USP5: variants seen among roughly 807,000 people sequenced by gnomAD.
The protein encoded by USP5 is ubiquitin carboxyl-terminal hydrolase 5.
Under a neutral mutation model 102.5 loss-of-function variants are expected in USP5, and 24 were observed. That is an observed-to-expected ratio of 0.23 (90% CI 0.17 to 0.33). The LOEUF (loss-of-function observed/expected upper bound fraction) is 0.33, where lower values mean the gene tolerates loss of function less well. Among genes scored for constraint, USP5 ranks in the 10% least tolerant of loss-of-function variants. The pLI is 1.00. For missense variants in USP5, 753 were observed against 1,122.1 expected (o/e 0.67, Z 4.70); for synonymous variants, 460 against 434.8 (o/e 1.06, Z -0.72).
rs1944255287 is a variant in USP5 at position 6,860,785 on chromosome 12, C to T, written c.1345-168C>T. Among the ~76,000 whole-genome samples the T allele has an allele frequency of 6.6e-6, 1 of 152,146 alleles. No homozygotes were observed. The highest frequency in any genetic ancestry group is 1.5e-5 in the Non-Finnish European group (1 of 68,030). On this transcript the variant is annotated intron_variant, in intron 11 of 19. Transcript: ENST00000229268. This position sits in a 1 kb window ranked among gnomAD's most constrained non-coding sequence, Gnocchi z 5.5. ...ACAGTCCCTCAGTGCAGGGATGGGGCCAGAAATGGGGAGGGGTTGGTGAAT... is the reference window on the plus strand; with the variant it reads ...ACAGTCCCTCAGTGCAGGGATGGGGTCAGAAATGGGGAGGGGTTGGTGAAT...
Position 6,864,290 on chromosome 12 carries a change from G to T in USP5, c.2244+95G>T, listed in dbSNP as rs781944122. On this transcript the variant is annotated intron_variant, in intron 17 of 19. Coordinates refer to ENST00000229268, the MANE Select transcript of USP5 (RefSeq NM_001098536.2). The surrounding 1 kb of genome is among the most constrained non-coding windows in gnomAD (Gnocchi z 4.8). ...TCTTGAGCAAGACCAAAGACAACAG[G>T]TGTGGTCTGGCCGAGGTTGGGCACC... 2.0e-6 allele frequency: 3 copies of T among 1,466,604 alleles called. No individual in the cohort carries two copies. The highest frequency in any genetic ancestry group is 4.7e-5 in the East Asian group (2 of 42,294). 90.8% of individuals were successfully genotyped at this position (1,466,604 alleles called of 1,614,324 possible). A position where few individuals can be genotyped will look rare whatever the true frequency, so the allele number is the denominator to read the frequency against.
rs1591608962 is a variant in USP5 at position 6,861,172 on chromosome 12, C to T, written c.1498+66C>T. The T allele has an allele frequency of 6.3e-7, 1 of 1,593,428 alleles. No individual in the cohort carries two copies. The highest frequency in any genetic ancestry group is 1.3e-5 in the African/African-American group (1 of 74,616). On this transcript the variant is annotated intron_variant, in intron 12 of 19. Transcript: ENST00000229268. The surrounding 1 kb of genome is among the most constrained non-coding windows in gnomAD (Gnocchi z 4.9). The stretch of plus-strand genomic sequence containing the variant: ...CTAAGGTCTAGGAGGAATGCTTGGG[C>T]ACCTCATGGGAGCACAGCCCAGGGA...
In USP5 at chr12:6,856,963, G is replaced by C. The variant is rs1944134274; in HGVS notation, c.769+72G>C. ...ATTTGTTAGTAATTTCGTGTGACAT[G>C]TATAATACATGAATGCATTATCTTG... On this transcript the variant is annotated intron_variant, in intron 6 of 19. Coordinates refer to ENST00000229268, the MANE Select transcript of USP5 (RefSeq NM_001098536.2). This position sits in a 1 kb window ranked among gnomAD's most constrained non-coding sequence, Gnocchi z 5.6. 6.5e-7 allele frequency: 1 copy of C among 1,536,342 alleles called. No homozygotes were observed. Among genetic ancestry groups the C allele is most frequent in the Admixed American group, 2.0e-5 (1 of 51,212 alleles).
rs1944282722 is a variant in USP5 at position 6,861,658 on chromosome 12, C to T, written c.1673+41C>T. The stretch of plus-strand genomic sequence containing the variant: ...GGGGCCTGAGGCTGTGGGTCTATGG[C>T]AGAGCTATCCCAGAGGATACTTCTG... On this transcript the variant is annotated intron_variant, in intron 13 of 19. Transcript: ENST00000229268. The surrounding 1 kb of genome is among the most constrained non-coding windows in gnomAD (Gnocchi z 4.9). 6.8e-7 allele frequency: 1 copy of T among 1,466,732 alleles called. No homozygotes were observed. Among genetic ancestry groups the T allele is most frequent in the East Asian group, 2.4e-5 (1 of 41,664 alleles). 90.9% of individuals were successfully genotyped at this position (1,466,732 alleles called of 1,614,324 possible).
intron 1 of USP5, 26 bp downstream of exon 1, chr12:6,852,316 C>T (rs781985947): frequency 1.9e-6 from 3 of 1,586,604 alleles, no homozygotes; most frequent in Non-Finnish European, 1.7e-6. Flanking sequence ...ACGCCCGCAA[C>T]GAGCACGACT....
chr12:6,858,850 C>A lies in USP5; in HGVS notation c.1058+233C>A. ...CCTGGGCAACATAGCGAGACCCTGTCTTCTCTTAAAAAAAAAAAAGAATAA... is the reference window on the plus strand; with the variant it reads ...CCTGGGCAACATAGCGAGACCCTGTATTCTCTTAAAAAAAAAAAAGAATAA... On this transcript the variant is annotated intron_variant, in intron 8 of 19. Transcript: ENST00000229268. This position sits in a 1 kb window ranked among gnomAD's most constrained non-coding sequence, Gnocchi z 4.2. The A allele has an allele frequency of 2.4e-6, 1 of 408,834 alleles. No homozygotes were observed. Among genetic ancestry groups the A allele is most frequent in the Non-Finnish European group, 4.5e-6 (1 of 224,652 alleles). 25.3% of individuals were successfully genotyped at this position (408,834 alleles called of 1,614,324 possible). A position where few individuals can be genotyped will look rare whatever the true frequency, so the allele number is the denominator to read the frequency against.
Position 6,864,047 on chromosome 12 carries a change from C to G in USP5, c.2099-3C>G, listed in dbSNP as rs1463254970. The G allele has an allele frequency of 6.2e-7, 1 of 1,601,064 alleles. No individual in the cohort carries two copies. The highest frequency in any genetic ancestry group is 8.5e-7 in the Non-Finnish European group (1 of 1,172,026). ...AAACACATCAACCCCTTCACATCCA[C>G]AGATTTTGCAAACCCCCTCATCCTG... On this transcript the variant is annotated splice_region_variant and splice_polypyrimidine_tract_variant and intron_variant, in intron 16 of 19. Coordinates refer to ENST00000229268, the MANE Select transcript of USP5 (RefSeq NM_001098536.2). This position sits in a 1 kb window ranked among gnomAD's most constrained non-coding sequence, Gnocchi z 4.8.
At chr12:6,859,652 T>G (rs1944218013) in intron 9 of USP5, 111 bp downstream of exon 9, 1 of 1,060,796 alleles carries the variant, frequency 9.4e-7, no homozygotes. Context: ...CTTTTTTTGT[T>G]TTGTTTTGTT....
chr12:6,857,980 A>G (rs1343715244), intron 7 of USP5, among the ~76,000 whole-genome samples: 2 of 152,234 alleles, frequency 1.3e-5, no homozygotes, highest in East Asian at 1.9e-4. Context: ...AAAGGCAGAC[A>G]TTAGTCACAT....
rs1555130251 is a variant in USP5, at chr12:6,864,227, C to T, written c.2244+32C>T. 1 of 1,557,082 alleles carries T rather than the reference C, an allele frequency of 6.4e-7. No individual in the cohort carries two copies. Among genetic ancestry groups the T allele is most frequent in the Non-Finnish European group, 8.7e-7 (1 of 1,150,320 alleles). ...GCTGCCCCAGCTAAGGACATGGGGCCAGTGGGGAAGAAGGGGGTGGGAATG... is the reference window on the plus strand; with the variant it reads ...GCTGCCCCAGCTAAGGACATGGGGCTAGTGGGGAAGAAGGGGGTGGGAATG... On this transcript the variant is annotated intron_variant, in intron 17 of 19. Transcript: ENST00000229268. The surrounding 1 kb of genome is among the most constrained non-coding windows in gnomAD (Gnocchi z 4.8).
Position 6,860,257 on chromosome 12 carries a change from C to A in USP5, c.1218+19C>A, listed in dbSNP as rs1555129239. On this transcript the variant is annotated intron_variant, in intron 10 of 19. Transcript: ENST00000229268. This position sits in a 1 kb window ranked among gnomAD's most constrained non-coding sequence, Gnocchi z 5.5. ...ACAGAAGGTGCGTCTAGGACCCTGT[C>A]CCTTTCAGGCCCTGGGATTGTGGGG... 6.2e-7 allele frequency: 1 copy of A among 1,610,794 alleles called. No individual in the cohort carries two copies.
Position 6,855,715 on chromosome 12 carries a change from C to G in USP5, c.238-40C>G, listed in dbSNP as rs140615476. 3 of 1,613,090 alleles carry G rather than the reference C, an allele frequency of 1.9e-6. No homozygotes were observed. The highest frequency in any genetic ancestry group is 2.5e-6 in the Non-Finnish European group (3 of 1,179,244). On this transcript the variant is annotated intron_variant, in intron 2 of 19. Transcript: ENST00000229268. This position sits in a 1 kb window ranked among gnomAD's most constrained non-coding sequence, Gnocchi z 4.6. ...CCTCCTCCCGACTTGTTCCTTCGCT[C>G]GTGCTCATTGCTGATCCAGCCCTTC... is the stretch of plus-strand genomic sequence containing the variant.
rs1340776955 is a variant in USP5 at position 6,864,441 on chromosome 12, G to C, written c.2244+246G>C. On this transcript the variant is annotated intron_variant, in intron 17 of 19. Transcript: ENST00000229268. This position sits in a 1 kb window ranked among gnomAD's most constrained non-coding sequence, Gnocchi z 4.8. ...GCGGTGGCTCACGCCTGTAATCCCA[G>C]CACTTTGGGAGGGTGAGGTGGGCGG... Among the ~76,000 whole-genome samples, 1 of 152,190 alleles carries C rather than the reference G, an allele frequency of 6.6e-6. No homozygotes were observed. The highest frequency in any genetic ancestry group is 6.5e-5 in the Admixed American group (1 of 15,284).
intron 1 of USP5, among the ~76,000 whole-genome samples, chr12:6,852,965 AT>A (rs1943983033): frequency 7.1e-6 from 1 of 140,376 alleles, no homozygotes; most frequent in Middle Eastern, 3.8e-3. Flanking sequence ...CTTTTAAAGT[AT>A]TCCTAGAGAG....
In USP5 at chr12:6,861,415, A is replaced by G; in HGVS notation, c.1499-28A>G. The G allele has an allele frequency of 6.5e-7, 1 of 1,542,068 alleles. No homozygotes were observed. Among genetic ancestry groups the G allele is most frequent in the Non-Finnish European group, 8.8e-7 (1 of 1,138,760 alleles). On this transcript the variant is annotated intron_variant, in intron 12 of 19. Transcript: ENST00000229268. This position sits in a 1 kb window ranked among gnomAD's most constrained non-coding sequence, Gnocchi z 4.9. ...GAGGCAAAGAAGCAGCACCCTCCGA[A>G]GGATCCACCAACCCATTCTGTCACC... is the stretch of plus-strand genomic sequence containing the variant.
rs1944197536 is a variant in USP5 at position 6,858,995 on chromosome 12, C to T, written c.1058+378C>T. On this transcript the variant is annotated intron_variant, in intron 8 of 19. Coordinates refer to ENST00000229268, the MANE Select transcript of USP5 (RefSeq NM_001098536.2). This position sits in a 1 kb window ranked among gnomAD's most constrained non-coding sequence, Gnocchi z 4.2. ...AGTGCCAAGTCCCAGGGCTCTGTGGCCTTCTGACAGACTCAAGGGTTAGCA... is the reference window on the plus strand; with the variant it reads ...AGTGCCAAGTCCCAGGGCTCTGTGGTCTTCTGACAGACTCAAGGGTTAGCA... 6.6e-6 allele frequency among the ~76,000 whole-genome samples: 1 copy of T among 152,164 alleles called. No homozygotes were observed. The highest frequency in any genetic ancestry group is 2.1e-4 in the South Asian group (1 of 4,824).
intron 14 of USP5, 82 bp downstream of exon 14, chr12:6,862,640 C>T: frequency 7.6e-7 from 1 of 1,308,764 alleles, no homozygotes; most frequent in Non-Finnish European, 1.1e-6. Flanking sequence ...TAGTGTTTCT[C>T]AAAGTTTCCT....
In USP5 at chr12:6,866,241, A is replaced by C. The variant is rs1344049173; in HGVS notation, c.*164A>C. On this transcript the variant is annotated 3_prime_UTR_variant, in exon 20 of 20. Coordinates refer to ENST00000229268, the MANE Select transcript of USP5 (RefSeq NM_001098536.2). The surrounding 1 kb of genome is among the most constrained non-coding windows in gnomAD (Gnocchi z 4.7). Reference sequence around the variant, plus strand: ...CCGTGGGAGAATGGCTGGGCAGAGCAGAGGGGCAGCGATAGACTCTGGGGA... The same window carrying C: ...CCGTGGGAGAATGGCTGGGCAGAGCCGAGGGGCAGCGATAGACTCTGGGGA... 7 of 647,408 alleles carry C rather than the reference A, an allele frequency of 1.1e-5. No individual in the cohort carries two copies. In the Admixed American group the frequency reaches 1.4e-4, roughly 13 times the overall value. 40.1% of individuals were successfully genotyped at this position (647,408 alleles called of 1,614,324 possible).
chr12:6,864,806 G>A lies in USP5; in HGVS notation c.2329G>A (p.Gly777Ser), dbSNP rs1555130424. The change falls in exon 18 of 20, where the codon GGC becomes AGC. Residue 777 changes from glycine to serine, a missense_variant. Physicochemically the swap from Gly to Ser is moderately conservative, Grantham distance 56. Coordinates refer to ENST00000229268, the MANE Select transcript of USP5 (RefSeq NM_001098536.2). The surrounding 1 kb of genome is among the most constrained non-coding windows in gnomAD (Gnocchi z 4.8). ...TGAAGCTGCCATGGACATCTCAGAG[G>A]GCCGCTCAGCTGCCGACTCCATCTC... is the stretch of plus-strand genomic sequence containing the variant. ...DAEAAMDISE[G>S]RSAADSISES... 2.5e-6 allele frequency: 4 copies of A among 1,613,800 alleles called. No homozygotes were observed. The highest frequency in any genetic ancestry group is 1.6e-4 in the Middle Eastern group (1 of 6,082).
Sources: gnomAD v4.1 joint callset for allele counts (sites outside exome capture counted in the v4.1 genomes callset) on GRCh38, gnomAD v4.1.1 for gene constraint, Gnocchi (gnomAD v3.1) non-coding constraint, MANE v1.5 for transcripts, NCBI Gene and HGNC (gene_info 2026-07-23, HGNC 2026-07-21) for gene names.